The following FAF1 variants were observed in gnomAD, a reference collection of about 807,000 sequenced individuals.
The protein encoded by FAF1 is FAS-associated factor 1.
Under a neutral mutation model 92.5 loss-of-function variants are expected in FAF1, and 25 were observed. That is an observed-to-expected ratio of 0.27 (90% CI 0.20 to 0.38). The LOEUF (loss-of-function observed/expected upper bound fraction) is 0.38, where lower values mean the gene tolerates loss of function less well. FAF1 is among the 10% of genes least tolerant of loss of function. The pLI, the probability that FAF1 is intolerant of heterozygous loss-of-function variation, is 1.00. For missense variants in FAF1, 636 were observed against 793.3 expected (o/e 0.80, Z 2.38); for synonymous variants, 234 against 273.2 (o/e 0.86, Z 1.42).
chr1:50,485,425 G>A (rs1425676209), intron 17 of FAF1, among the ~76,000 whole-genome samples: 1 of 151,872 alleles, frequency 6.6e-6, no homozygotes, highest in Non-Finnish European at 1.5e-5. Context: ...CACTGTGGGA[G>A]GCCAAGGCAG....
chr1:50,906,053 G>A (rs909203829), intron 1 of FAF1, among the ~76,000 whole-genome samples: 1 of 152,130 alleles, frequency 6.6e-6, no homozygotes, highest in Non-Finnish European at 1.5e-5. Context: ...ATTAATTTTT[G>A]TATAAGGTGT....
chr1:50,879,269 A>G (rs891541360), intron 1 of FAF1, among the ~76,000 whole-genome samples: 1 of 150,804 alleles, frequency 6.6e-6, no homozygotes, highest in Non-Finnish European at 1.5e-5. Flanking sequence ...TGAATGAATG[A>G]ATGAATGAAT....
chr1:50,878,065 A>G (rs1644584758), intron 1 of FAF1, among the ~76,000 whole-genome samples: 1 of 152,184 alleles, frequency 6.6e-6, no homozygotes, highest in Non-Finnish European at 1.5e-5. Context: ...CTTTCCTTCA[A>G]AACAATATAT....
At chr1:50,618,676 T>C (rs1653050328) in intron 8 of FAF1, among the ~76,000 whole-genome samples, 1 of 152,124 alleles carries the variant, frequency 6.6e-6, no homozygotes, top group Non-Finnish European at 1.5e-5. Flanking sequence ...CCCTTTATCA[T>C]TACATAAGGC....
At chr1:50,538,040 T>A (rs1312156192) in intron 14 of FAF1, among the ~76,000 whole-genome samples, 1 of 152,042 alleles carries the variant, frequency 6.6e-6, no homozygotes, top group African/African-American at 2.4e-5. Flanking sequence ...ACATTGGTCA[T>A]TTGTAAAATA....
chr1:50,592,604 G>A (rs1454809231), intron 9 of FAF1, among the ~76,000 whole-genome samples: 2 of 152,142 alleles, frequency 1.3e-5, no homozygotes, highest in African/African-American at 4.8e-5. Context: ...TTAACTGCTG[G>A]TCTCAAATAT....
intron 7 of FAF1, among the ~76,000 whole-genome samples, chr1:50,696,001 A>G (rs970474007): frequency 1.3e-5 from 2 of 149,896 alleles, no homozygotes; most frequent in South Asian, 2.1e-4. Flanking sequence ...TAGGCAAGGG[A>G]AATTCTATCA....
chr1:50,812,210 T>C (rs144591501), intron 2 of FAF1, among the ~76,000 whole-genome samples: 2 of 152,126 alleles, frequency 1.3e-5, no homozygotes, highest in African/African-American at 4.8e-5. Context: ...CAATGAGACA[T>C]ATTTAAACTA....
intron 13 of FAF1, among the ~76,000 whole-genome samples, chr1:50,550,208 G>A (rs1364571366): frequency 6.6e-6 from 1 of 151,824 alleles, no homozygotes; most frequent in Non-Finnish European, 1.5e-5. Flanking sequence ...AAAATTAGCC[G>A]GGCATGGTGG....
chr1:50,543,811 A>G (rs1006673903), intron 13 of FAF1, among the ~76,000 whole-genome samples: 1 of 152,166 alleles, frequency 6.6e-6, no homozygotes, highest in African/African-American at 2.4e-5. Flanking sequence ...TTAGAAAATA[A>G]GACAATACAT....
At chr1:50,838,835 G>A (rs1419386528) in intron 2 of FAF1, among the ~76,000 whole-genome samples, 2 of 152,020 alleles carry the variant, frequency 1.3e-5, no homozygotes, top group Non-Finnish European at 2.9e-5. Context: ...AACAATAAAA[G>A]TATCCAAATC....
At chr1:50,509,963 T>A (rs1273860118) in intron 15 of FAF1, among the ~76,000 whole-genome samples, 1 of 151,532 alleles carries the variant, frequency 6.6e-6, no homozygotes, top group African/African-American at 2.4e-5. Flanking sequence ...AGCTCAGGAG[T>A]TCACAACCAG....
chr1:50,859,179 AGCATTCC>A (rs1194477773), intron 1 of FAF1, among the ~76,000 whole-genome samples: 2 of 151,946 alleles, frequency 1.3e-5, no homozygotes, highest in South Asian at 2.1e-4. Flanking sequence ...AAAAACTGGA[AGCATTCC>A]TCTTGAGAAC....
At chr1:50,641,634 C>T (rs994294070) in intron 8 of FAF1, among the ~76,000 whole-genome samples, 1 of 152,130 alleles carries the variant, frequency 6.6e-6, no homozygotes, top group East Asian at 1.9e-4. Context: ...ATCATGCACA[C>T]TTGAAAGGAA....
At chr1:50,468,326 T>G (rs1358387695) in intron 18 of FAF1, among the ~76,000 whole-genome samples, 6 of 152,066 alleles carry the variant, frequency 3.9e-5, no homozygotes, top group Non-Finnish European at 8.8e-5. Flanking sequence ...AGAGTCTTGC[T>G]CTGTCTCCCA....
At chr1:50,659,601 G>T (rs768655659) in intron 7 of FAF1, among the ~76,000 whole-genome samples, 38 of 150,530 alleles carry the variant, frequency 2.5e-4, no homozygotes, top group Admixed American at 4.6e-4. Context: ...TTTTTTTTTT[G>T]ATCAGCATTG....
chr1:50,764,081 C>T (rs1371981238), intron 4 of FAF1, among the ~76,000 whole-genome samples: 3 of 152,060 alleles, frequency 2.0e-5, no homozygotes, highest in Non-Finnish European at 2.9e-5. Context: ...TTGCAATGCA[C>T]CTAAGAGAAT....
At chr1:50,493,271 G>T (rs1226246507) in intron 15 of FAF1, among the ~76,000 whole-genome samples, 1 of 152,096 alleles carries the variant, frequency 6.6e-6, no homozygotes, top group Admixed American at 6.6e-5. Flanking sequence ...GACCTCAAGT[G>T]ATCTGCCTGC....
intron 18 of FAF1, among the ~76,000 whole-genome samples, chr1:50,450,281 C>T (rs149703310): frequency 6.6e-6 from 1 of 151,762 alleles, no homozygotes; most frequent in African/African-American, 2.4e-5. Context: ...ATTAAATGGT[C>T]CCAACAATTC....
Sources: allele counts gnomAD v4.1 joint callset (sites outside exome capture counted in the v4.1 genomes callset), GRCh38; gene constraint gnomAD v4.1.1; transcripts MANE v1.5; gene names NCBI Gene and HGNC (gene_info 2026-07-23, HGNC 2026-07-21).